The following TRIM37 variants were observed in gnomAD, a reference collection of about 807,000 sequenced individuals.
TRIM37 encodes E3 ubiquitin-protein ligase TRIM37.
Under a neutral mutation model 129.8 loss-of-function variants are expected in TRIM37, and 80 were observed. The ratio of observed to expected loss-of-function variants is 0.62; its 90% CI spans 0.51 to 0.74. The LOEUF is 0.74. Among genes scored for constraint, TRIM37 ranks in the 30% least tolerant of loss-of-function variants. The pLI, the probability that TRIM37 is intolerant of heterozygous loss-of-function variation, is 0.00. For missense variants in TRIM37, 1,054 were observed against 1,176.5 expected, an observed-to-expected ratio of 0.90 and a Z score of 1.52; for synonymous variants, 389 against 387.1, an observed-to-expected ratio of 1.00 and a Z score of -0.06.
intron 17 of TRIM37, among the ~76,000 whole-genome samples, chr17:59,035,934 G>A (rs2038426092): frequency 1.3e-5 from 2 of 152,062 alleles, no homozygotes; most frequent in African/African-American, 4.8e-5. Flanking sequence ...CATACTGCCT[G>A]TATGCATTAT....
the TRIM37 span, among the ~76,000 whole-genome samples, chr17:58,970,331 T>C: frequency 3.9e-5 from 6 of 152,202 alleles, no homozygotes; most frequent in Non-Finnish European, 8.8e-5. Context: ...AAGGGCTCTA[T>C]ATTAAGGTCT....
At position 59,017,521 on chromosome 17, in the gene TRIM37, A is replaced by C. The variant is rs943231182; in HGVS notation, c.2258-97T>G. ...AAAGTTTTAATCTTACCTTGCATGG[A>C]AGCTGTTCTCTCTACTGTCTAAAAA... On this transcript the variant is annotated intron_variant, in intron 19 of 23. Coordinates refer to ENST00000262294, the MANE Select transcript of TRIM37 (RefSeq NM_015294.6). 3.9e-6 allele frequency: 6 copies of C among 1,534,194 alleles called. No individual in the cohort carries two copies. In the Admixed American group the frequency reaches 1.0e-4, roughly 26 times the overall value.
downstream of TRIM37, among the ~76,000 whole-genome samples, chr17:58,994,316 T>C (rs1338640161): frequency 6.6e-6 from 1 of 151,994 alleles, no homozygotes; most frequent in East Asian, 1.9e-4. Flanking sequence ...ATCCATGGAG[T>C]CAACCAACAA....
intron 23 of TRIM37, among the ~76,000 whole-genome samples, chr17:59,000,041 T>C (rs1026562791): frequency 3.3e-5 from 5 of 152,346 alleles, no homozygotes; most frequent in Middle Eastern, 3.4e-3. Context: ...GGCTTAACAA[T>C]GTTGTCACTC....
chr17:59,058,661 CAGCCTG>C (rs2041195447), intron 12 of TRIM37, among the ~76,000 whole-genome samples: 1 of 151,970 alleles, frequency 6.6e-6, no homozygotes, highest in African/African-American at 2.4e-5. Flanking sequence ...AGTCTGAGAC[CAGCCTG>C]GGCAACATGG....
At chr17:59,087,277 G>T (rs1429698406) in intron 4 of TRIM37, among the ~76,000 whole-genome samples, 1 of 151,762 alleles carries the variant, frequency 6.6e-6, no homozygotes, top group Non-Finnish European at 1.5e-5. Flanking sequence ...TGTATTTTTA[G>T]TAGAGACAGG....
At chr17:59,008,563 T>C (rs2034837412) in intron 22 of TRIM37, among the ~76,000 whole-genome samples, 1 of 152,142 alleles carries the variant, frequency 6.6e-6, no homozygotes, top group African/African-American at 2.4e-5. Context: ...TAAAAATTAG[T>C]GCTGAGATAA....
intron 17 of TRIM37, among the ~76,000 whole-genome samples, chr17:59,036,853 C>G (rs1005879687): frequency 6.6e-6 from 1 of 152,076 alleles, no homozygotes; most frequent in African/African-American, 2.4e-5. Context: ...TAGCTCACAT[C>G]TGTAATCCCA....
At chr17:59,050,386 T>A (rs1337318174) in intron 14 of TRIM37, among the ~76,000 whole-genome samples, 2 of 152,210 alleles carry the variant, frequency 1.3e-5, no homozygotes, top group Non-Finnish European at 2.9e-5. Flanking sequence ...ACTAAATTTT[T>A]AATTTTAATT....
chr17:59,093,393 T>C (rs2044572166), intron 2 of TRIM37, among the ~76,000 whole-genome samples: 1 of 152,168 alleles, frequency 6.6e-6, no homozygotes, highest in African/African-American at 2.4e-5. Flanking sequence ...TGTCTTTACA[T>C]GTTTCCTCTC....
chr17:59,082,202 C>T (rs964804355), intron 5 of TRIM37, among the ~76,000 whole-genome samples: 10 of 151,982 alleles, frequency 6.6e-5, no homozygotes, highest in East Asian at 3.9e-4. Context: ...AGCCGGGAGG[C>T]GGAGGTTGGA....
exon 25 of TRIM37, chr17:58,982,728 T>C (rs550633794): frequency 1.9e-6 from 1 of 530,716 alleles, no homozygotes; most frequent in Admixed American, 3.4e-5. Flanking sequence ...TCTCTTGATT[T>C]TGAAGTCATT....
intron 16 of TRIM37, among the ~76,000 whole-genome samples, chr17:59,044,060 C>T (rs1165580903): frequency 6.6e-6 from 1 of 152,098 alleles, no homozygotes; most frequent in Non-Finnish European, 1.5e-5. Context: ...TTTGGGAAGC[C>T]GAGGCTGGAG....
intron 5 of TRIM37, among the ~76,000 whole-genome samples, chr17:59,083,582 TC>T (rs1285267328): frequency 6.6e-6 from 1 of 152,038 alleles, no homozygotes; most frequent in Non-Finnish European, 1.5e-5. Flanking sequence ...GAAAAAATAA[TC>T]TAAAAAATAA....
At chr17:59,018,739 G>C (rs1421030147) in intron 19 of TRIM37, among the ~76,000 whole-genome samples, 1 of 148,446 alleles carries the variant, frequency 6.7e-6, no homozygotes. Context: ...TTTTTTTGCA[G>C]AAATTGACAA....
chr17:59,106,379 C>T (rs1568282542), intron 1 of TRIM37, 62 bp downstream of exon 1: 5 of 1,608,970 alleles, frequency 3.1e-6, no homozygotes, highest in Admixed American at 1.7e-5. Flanking sequence ...CACGACTCCC[C>T]GAATAAAAAC....
At position 59,106,512 on chromosome 17, in the gene TRIM37, G is replaced by C. The variant is rs2046017769; in HGVS notation, c.-51C>G. On this transcript the variant is annotated 5_prime_UTR_variant, in exon 1 of 24. Coordinates refer to ENST00000262294, the MANE Select transcript of TRIM37 (RefSeq NM_015294.6). ...TGGCGACCCGCAGGCTCCGCAGTCTGACCTCTTAGGCGCCGGCCCGAGGTC... is the reference window on the plus strand; with the variant it reads ...TGGCGACCCGCAGGCTCCGCAGTCTCACCTCTTAGGCGCCGGCCCGAGGTC... 9 of 1,610,852 alleles carry C rather than the reference G, an allele frequency of 5.6e-6. No homozygotes were observed. Among genetic ancestry groups the C allele is most frequent in the Non-Finnish European group, 7.6e-6 (9 of 1,178,526 alleles).
rs186278446 is a variant in TRIM37 at position 59,008,632 on chromosome 17, G to C, written c.2695+3696C>G. On this transcript the variant is annotated intron_variant, in intron 22 of 23. Coordinates refer to ENST00000262294, the MANE Select transcript of TRIM37 (RefSeq NM_015294.6). ...CCAAATCGGGCGGCCGGGTGTGGTG[G>C]CTCATGTCTGTAACCCAGCACTTTG... Among the ~76,000 whole-genome samples the C allele has an allele frequency of 5.2e-3, 793 of 152,294 alleles. 6 individuals are homozygous for C. The highest frequency in any genetic ancestry group is 0.013 in the South Asian group (61 of 4,826).
At chr17:58,968,154 T>A in the TRIM37 span, among the ~76,000 whole-genome samples, 4 of 152,210 alleles carry the variant, frequency 2.6e-5, no homozygotes, top group African/African-American at 9.6e-5. Context: ...TTAAAGTTGC[T>A]GAAAGAACTA....
Sources: allele counts gnomAD v4.1 joint callset (sites outside exome capture counted in the v4.1 genomes callset), GRCh38; gene constraint gnomAD v4.1.1; transcripts MANE v1.5; gene names NCBI Gene and HGNC (gene_info 2026-07-23, HGNC 2026-07-21).